Variants in MATN1 observed in about 807,000 individuals in gnomAD.
The protein encoded by MATN1 is matrilin 1, also known as matrilin-1.
MATN1 carries 34 observed loss-of-function variants against 41.3 expected under a neutral mutation model. That is an observed-to-expected ratio of 0.82 (90% confidence interval 0.63 to 1.10). MATN1 has a LOEUF of 1.10. Among genes scored for constraint, MATN1 ranks in the 50% least tolerant of loss-of-function variants. The probability of loss-of-function intolerance (pLI) is 0.00; values close to 1 mark genes in which losing one functional copy is unlikely to be tolerated. For synonymous variants in MATN1, 264 were observed against 278.7 expected (o/e 0.95, Z 0.53); for missense variants, 602 against 662.4 (o/e 0.91, Z 1.00).
chr1:30,721,823 G>T, intron 1 of MATN1, 72 bp from the exon 2 acceptor site: 2 of 1,299,724 alleles, frequency 1.5e-6, no homozygotes, highest in Non-Finnish European at 2.2e-6. Context: ...AACACACAGA[G>T]TGCGGCTTCT....
intron 3 of MATN1, 77 bp downstream of exon 3, chr1:30,718,658 C>T (rs1639656441): frequency 9.0e-7 from 1 of 1,111,460 alleles, no homozygotes; most frequent in Non-Finnish European, 1.2e-6. Flanking sequence ...CTCGGTCCCG[C>T]CTCCAGCCCT....
At chr1:30,719,622 G>A (rs1195655806) in intron 2 of MATN1, 1 of 153,016 alleles carries the variant, frequency 6.5e-6, no homozygotes, top group Non-Finnish European at 1.5e-5. Flanking sequence ...CCTCCCACTA[G>A]GCTCCTCTGG....
chr1:30,721,386 C>G lies in MATN1; in HGVS notation c.441+19G>C. On this transcript the variant is annotated intron_variant, in intron 2 of 7. Transcript: ENST00000373765. ...GAGCCTCCAAACAGCAGCATCCTAG[C>G]AGGGTGGCGTGCACGTACCTTGCTG... 6.3e-7 allele frequency: 1 copy of G among 1,589,704 alleles called. No homozygotes were observed. The highest frequency in any genetic ancestry group is 8.6e-7 in the Non-Finnish European group (1 of 1,162,572).
Position 30,721,570 on chromosome 1 carries a change from C to G in MATN1, c.276G>C (p.Glu92Asp). 6.2e-7 allele frequency: 1 copy of G among 1,613,420 alleles called. No individual in the cohort carries two copies. The highest frequency in any genetic ancestry group is 8.5e-7 in the Non-Finnish European group (1 of 1,180,032). Residue 92 changes from glutamate (E) to aspartate (D), a missense_variant, in exon 2 of 8, where the codon GAG becomes GAC. By Grantham distance (45) the Glu-to-Asp change is conservative. Transcript: ENST00000373765. ...TGGAGACATGAGCCCGCAGCGAGAA[C>G]TCCTGCTTCACGGTGCTGGCATAGT... ...MVNYASTVKQ[E>D]FSLRAHVSKA...
chr1:30,713,041 T>C lies in MATN1; in HGVS notation c.*541A>G, dbSNP rs1639572767. The C allele has an allele frequency of 6.5e-6, 1 of 154,954 alleles. No homozygotes were observed. The highest frequency in any genetic ancestry group is 2.0e-4 in the South Asian group (1 of 5,048). 9.6% of individuals were successfully genotyped at this position (154,954 alleles called of 1,614,324 possible). A position where few individuals can be genotyped will look rare whatever the true frequency, so the allele number is the denominator to read the frequency against. On this transcript the variant is annotated 3_prime_UTR_variant, in exon 8 of 8. Coordinates refer to ENST00000373765, the MANE Select transcript of MATN1 (RefSeq NM_002379.3). ...CCAGCTGGTTTTGGTGTGGTCACTG[T>C]CATCACTGTCACCACCACTGTTACC...
Position 30,715,309 on chromosome 1 carries a change from C to A in MATN1, c.1208G>T (p.Gly403Val), listed in dbSNP as rs746711519. The A allele has an allele frequency of 2.5e-6, 4 of 1,614,052 alleles. No individual in the cohort carries two copies. Among genetic ancestry groups the A allele is most frequent in the Non-Finnish European group, 3.4e-6 (4 of 1,179,930 alleles). Residue 403 changes from glycine (G) to valine (V), a missense_variant and splice_region_variant, in exon 6 of 8, where the codon GGC becomes GTC. Coordinates refer to ENST00000373765, the MANE Select transcript of MATN1 (RefSeq NM_002379.3). Reference sequence around the variant, plus strand: ...CACACCCACAGCAAACATCTTAAAGCCTGCCAGGAGGAACAGGAGAAGTAA... The same window carrying A: ...CACACCCACAGCAAACATCTTAAAGACTGCCAGGAGGAACAGGAGAAGTAA... ...NDAAKKAKDL[G>V]FKMFAVGVGN...
Position 30,715,304 on chromosome 1 carries a change from T to C in MATN1, c.1213A>G (p.Lys405Glu). 6.2e-7 allele frequency: 1 copy of C among 1,614,114 alleles called. No homozygotes were observed. Among genetic ancestry groups the C allele is most frequent in the Non-Finnish European group, 8.5e-7 (1 of 1,180,002 alleles). ...TTGCCCACACCCACAGCAAACATCT[T>C]AAAGCCTGCCAGGAGGAACAGGAGA... Reference protein sequence around the residue: ...AAKKAKDLGFKMFAVGVGNAV... With the variant: ...AAKKAKDLGFEMFAVGVGNAV... Residue 405 changes from lysine (K) to glutamate (E), a missense_variant, in exon 6 of 8, where the codon AAG becomes GAG. Lys to Glu is a moderately conservative substitution (Grantham distance 56). Coordinates refer to ENST00000373765, the MANE Select transcript of MATN1 (RefSeq NM_002379.3).
chr1:30,716,676 T>G, intron 4 of MATN1, 114 bp downstream of exon 4: 1 of 1,411,326 alleles, frequency 7.1e-7, no homozygotes, highest in Non-Finnish European at 9.4e-7. Flanking sequence ...TCTGTCTGCT[T>G]TGAAGATTGG....
At chr1:30,723,377 GC>G in intron 1 of MATN1, 80 bp downstream of exon 1, 1 of 1,092,862 alleles carries the variant, frequency 9.2e-7, no homozygotes, top group Non-Finnish European at 1.3e-6. Flanking sequence ...TGTGCTCCCT[GC>G]CATATCGGTA....
chr1:30,720,443 A>G (rs1350996689), intron 2 of MATN1: 2 of 152,184 alleles, frequency 1.3e-5, no homozygotes, highest in Non-Finnish European at 2.9e-5. Context: ...CTGGGATTAT[A>G]TGCTGTTGTC....
Position 30,721,499 on chromosome 1 carries a change from G to C in MATN1, c.347C>G (p.Thr116Arg). 6.2e-7 allele frequency: 1 copy of C among 1,613,514 alleles called. No homozygotes were observed. Among genetic ancestry groups the C allele is most frequent in the Non-Finnish European group, 8.5e-7 (1 of 1,180,038 alleles). The stretch of plus-strand genomic sequence containing the variant: ...GATGGCCAGGCCGGTCATGGTGCCT[G>C]TGGACAGCGGCTGGATACGGCGCAC... ...QAVRRIQPLS[T>R]GTMTGLAIQF... is the part of the protein sequence containing the mutation. Residue 116 changes from threonine (T) to arginine (R), a missense_variant, in exon 2 of 8, where the codon ACA (threonine) becomes AGA (arginine). By Grantham distance (71) the Thr-to-Arg change is moderately conservative. Transcript: ENST00000373765.
intron 1 of MATN1, among the ~76,000 whole-genome samples, chr1:30,722,683 G>T (rs1001701005): frequency 1.5e-4 from 23 of 152,226 alleles, no homozygotes; most frequent in African/African-American, 5.3e-4. Flanking sequence ...CCCATGCGGA[G>T]TCTGAACTGA....
Position 30,711,422 on chromosome 1 carries a change from G to A in MATN1, c.*2160C>T, listed in dbSNP as rs1036421383. ...CCTTCTGTTAATCAAACCTAGAGCA[G>A]AGAGGGATGTGGGAAGTCCATGGAG... On this transcript the variant is annotated 3_prime_UTR_variant, in exon 8 of 8. Coordinates refer to ENST00000373765, the MANE Select transcript of MATN1 (RefSeq NM_002379.3). 1 of 152,242 alleles carries A rather than the reference G, an allele frequency of 6.6e-6. No homozygotes were observed. Among genetic ancestry groups the A allele is most frequent in the African/African-American group, 2.4e-5 (1 of 41,448 alleles). The allele number at this position is 152,242 out of a possible 1,614,324, so 9.4% of individuals were successfully genotyped here. A position where few individuals can be genotyped will look rare whatever the true frequency, so the allele number is the denominator to read the frequency against.
At position 30,718,896 on chromosome 1, in the gene MATN1, GC is replaced by G; in HGVS notation, c.502del (p.Ala168ProfsTer88). 1 of 1,585,048 alleles carries G rather than the reference GC, an allele frequency of 6.3e-7. No homozygotes were observed. ...GAACAGCTCGACGCCGCTGGCCCGG[GC>G]CCGCGCAGACACGTCCTGCACGCTG... ...QDSVQDVSAR[A>X]RASGVELFAI... On this transcript the variant is annotated frameshift_variant, in exon 3 of 8. Transcript: ENST00000373765. LOFTEE classifies it high-confidence loss of function.
chr1:30,718,448 G>A, intron 3 of MATN1: 1 of 54,758 alleles, frequency 1.8e-5, no homozygotes, highest in Non-Finnish European at 3.4e-5. Flanking sequence ...CCGCCCCGCC[G>A]CTCTCTCCGT....
At chr1:30,715,523 G>A (rs565940108) in intron 5 of MATN1, among the ~76,000 whole-genome samples, 2 of 152,340 alleles carry the variant, frequency 1.3e-5, no homozygotes, top group East Asian at 3.9e-4. Flanking sequence ...TCCTGTACTG[G>A]AAGCTTTGTA....
intron 3 of MATN1, among the ~76,000 whole-genome samples, chr1:30,717,855 A>G (rs1639639715): frequency 6.6e-6 from 1 of 151,906 alleles, no homozygotes; most frequent in Non-Finnish European, 1.5e-5. Context: ...CGGTTTCACC[A>G]TGTTGGCCAG....
In MATN1 at chr1:30,716,413, C is replaced by T; in HGVS notation, c.791-88G>A. On this transcript the variant is annotated intron_variant, in intron 4 of 7. Coordinates refer to ENST00000373765, the MANE Select transcript of MATN1 (RefSeq NM_002379.3). Reference sequence around the variant, plus strand: ...GGCTGGACACCCACCACACACCAAGCTCTGTGCTGAGGATCATTACATTGT... The same window carrying T: ...GGCTGGACACCCACCACACACCAAGTTCTGTGCTGAGGATCATTACATTGT... 3 of 1,347,282 alleles carry T rather than the reference C, an allele frequency of 2.2e-6. No individual in the cohort carries two copies. The South Asian group carries it at 4.0e-5, about 18-fold the overall frequency. The allele number at this position is 1,347,282 out of a possible 1,614,324, so 83.5% of individuals were successfully genotyped here.
rs1403231511 is a variant in MATN1, at chr1:30,721,509, G to T, written c.337C>A (p.Pro113Thr). 2 of 1,613,202 alleles carry T rather than the reference G, an allele frequency of 1.2e-6. No individual in the cohort carries two copies. The highest frequency in any genetic ancestry group is 1.3e-5 in the African/African-American group (1 of 74,938). The part of the protein sequence containing the change: ...ALLQAVRRIQ[P>T]LSTGTMTGLA... ...CCGGTCATGGTGCCTGTGGACAGCG[G>T]CTGGATACGGCGCACAGCCTGCAGC... Residue 113 changes from proline (P) to threonine (T), a missense_variant, in exon 2 of 8, where the codon CCG becomes ACG. Pro to Thr is a conservative substitution (Grantham distance 38). Transcript: ENST00000373765.
Sources: gnomAD v4.1 joint callset for allele counts (sites outside exome capture counted in the v4.1 genomes callset) on GRCh38, gnomAD v4.1.1 for gene constraint, MANE v1.5 for transcripts, NCBI Gene and HGNC (gene_info 2026-07-23, HGNC 2026-07-21) for gene names.